The following DLGAP2 variants were observed in gnomAD, a reference collection of about 807,000 sequenced individuals.
DLGAP2 encodes disks large-associated protein 2.
A neutral mutation model predicts 100.3 loss-of-function variants in DLGAP2; 26 were observed. That is an observed-to-expected ratio of 0.26 (90% CI 0.19 to 0.36). DLGAP2 has a LOEUF of 0.36. Among genes scored for constraint, DLGAP2 ranks in the 10% least tolerant of loss-of-function variants. The pLI is 1.00. For synonymous variants in DLGAP2, 886 were observed against 630.1 expected (o/e 1.41, Z -6.08); for missense variants, 1,858 against 1,453.2 (o/e 1.28, Z -4.53).
chr8:1,669,978 T>G (rs976630611), intron 10 of DLGAP2, among the ~76,000 whole-genome samples, 194 bp downstream of exon 10: 5 of 152,168 alleles, frequency 3.3e-5, no homozygotes, highest in African/African-American at 1.2e-4. Flanking sequence ...CCTGCAGCCC[T>G]GGGCCTCGCT....
At chr8:1,015,014 G>C (rs1433755512) in intron 2 of DLGAP2, among the ~76,000 whole-genome samples, 1 of 7,396 alleles carries the variant, frequency 1.4e-4, no homozygotes, top group East Asian at 2.3e-3. Flanking sequence ...CGCCTCCACT[G>C]TGTGTGTGAC....
chr8:1,109,015 T>C (rs1585068260), intron 2 of DLGAP2, among the ~76,000 whole-genome samples: 1 of 142,260 alleles, frequency 7.0e-6, no homozygotes, highest in African/African-American at 2.7e-5. Context: ...GTGCTGGGTC[T>C]GTGAGGTGTG....
At chr8:1,143,790 G>T (rs1354607172) in intron 2 of DLGAP2, among the ~76,000 whole-genome samples, 1 of 152,208 alleles carries the variant, frequency 6.6e-6, no homozygotes, top group African/African-American at 2.4e-5. Context: ...CTGTGTGCAG[G>T]CATTGTTGCT....
intron 2 of DLGAP2, among the ~76,000 whole-genome samples, chr8:1,252,036 G>T (rs1413366898): frequency 7.0e-6 from 1 of 143,036 alleles, no homozygotes; most frequent in Non-Finnish European, 1.5e-5. Flanking sequence ...CACAATGTCA[G>T]AGTCATGTCA....
intron 2 of DLGAP2, among the ~76,000 whole-genome samples, chr8:1,000,367 C>T (rs1476951752): frequency 6.6e-6 from 1 of 150,472 alleles, no homozygotes; most frequent in Non-Finnish European, 1.5e-5. Flanking sequence ...ACTGGATTTT[C>T]TCTAGAGCGG....
At chr8:1,100,993 G>A (rs1328975249) in intron 2 of DLGAP2, among the ~76,000 whole-genome samples, 2 of 152,208 alleles carry the variant, frequency 1.3e-5, no homozygotes, top group Non-Finnish European at 2.9e-5. Flanking sequence ...CAGTGATTGG[G>A]AGGATGTGGT....
At chr8:973,408 G>A (rs1410974062) in intron 2 of DLGAP2, among the ~76,000 whole-genome samples, 2 of 151,676 alleles carry the variant, frequency 1.3e-5, no homozygotes, top group African/African-American at 4.8e-5. Context: ...GGGCGGCCGG[G>A]CAGAGACGCT....
chr8:1,370,790 T>G (rs1325130927), intron 3 of DLGAP2, among the ~76,000 whole-genome samples: 1 of 152,204 alleles, frequency 6.6e-6, no homozygotes, highest in East Asian at 1.9e-4. Context: ...CTGCCTGGCC[T>G]GGGGCAAGTT....
intron 1 of DLGAP2, among the ~76,000 whole-genome samples, chr8:745,530 A>G (rs1014954707): frequency 6.6e-6 from 1 of 152,228 alleles, no homozygotes; most frequent in African/African-American, 2.4e-5. Context: ...GCAGCACTCA[A>G]TTTTAAAAAA....
chr8:1,351,607 TGGC>T (rs1284076115), intron 3 of DLGAP2, among the ~76,000 whole-genome samples: 33 of 43,936 alleles, frequency 7.5e-4, no homozygotes, highest in East Asian at 2.1e-3. Flanking sequence ...GTCCTGCGTG[TGGC>T]GTGGAAAGGC....
At chr8:1,416,795 G>C (rs1225641875) in intron 3 of DLGAP2, among the ~76,000 whole-genome samples, 1 of 152,188 alleles carries the variant, frequency 6.6e-6, no homozygotes, top group Non-Finnish European at 1.5e-5. Flanking sequence ...TGTGGCTCGC[G>C]AGCACCCGTG....
intron 2 of DLGAP2, among the ~76,000 whole-genome samples, chr8:1,027,399 C>G (rs1801832555): frequency 6.6e-6 from 1 of 150,450 alleles, no homozygotes; most frequent in Admixed American, 6.6e-5. Context: ...CCGTTATTCT[C>G]CAGGTGGGGT....
intron 6 of DLGAP2, among the ~76,000 whole-genome samples, chr8:1,595,632 A>T (rs1796430617): frequency 6.8e-6 from 1 of 146,338 alleles, no homozygotes; most frequent in Non-Finnish European, 1.5e-5. Context: ...GCGCCACTGC[A>T]GTCCGCAGTC....
At chr8:1,423,776 A>T (rs1026122826) in intron 3 of DLGAP2, among the ~76,000 whole-genome samples, 2 of 152,168 alleles carry the variant, frequency 1.3e-5, no homozygotes, top group African/African-American at 4.8e-5. Context: ...GGCAGGAGCA[A>T]CGGGCCCATG....
At chr8:1,601,989 G>GTGC (rs1796642823) in intron 6 of DLGAP2, among the ~76,000 whole-genome samples, 1 of 109,988 alleles carries the variant, frequency 9.1e-6, no homozygotes, top group East Asian at 3.0e-4. Flanking sequence ...TGATCAGCCC[G>GTGC]TGCTACCTTC....
intron 12 of DLGAP2, among the ~76,000 whole-genome samples, chr8:1,687,861 A>G (rs537628289): frequency 6.6e-6 from 1 of 152,342 alleles, no homozygotes; most frequent in Admixed American, 6.5e-5. Context: ...ACTTCTATAT[A>G]TTTCTGCAGC....
intron 2 of DLGAP2, among the ~76,000 whole-genome samples, chr8:1,140,410 G>A (rs1055064898): frequency 6.6e-6 from 1 of 152,122 alleles, no homozygotes; most frequent in African/African-American, 2.4e-5. Context: ...GCCCTAGGGT[G>A]CTTGTTCCCC....
chr8:976,651 G>A (rs988036205), intron 2 of DLGAP2, among the ~76,000 whole-genome samples: 1 of 152,006 alleles, frequency 6.6e-6, no homozygotes, highest in African/African-American at 2.4e-5. Flanking sequence ...GTGCAAATAG[G>A]GCCAACCAAT....
chr8:1,517,929 A>C (rs144116829), intron 4 of DLGAP2, among the ~76,000 whole-genome samples: 1 of 152,234 alleles, frequency 6.6e-6, no homozygotes, highest in Non-Finnish European at 1.5e-5. Flanking sequence ...TGTTGTTTGG[A>C]CCTGGGAACT....
Sources: gnomAD v4.1 joint callset for allele counts (sites outside exome capture counted in the v4.1 genomes callset) on GRCh38, gnomAD v4.1.1 for gene constraint, MANE v1.5 for transcripts, NCBI Gene and HGNC (gene_info 2026-07-23, HGNC 2026-07-21) for gene names.